CPT1A: variants seen among roughly 807,000 people sequenced by gnomAD.
CPT1A encodes carnitine palmitoyltransferase 1A.
CPT1A carries 64 observed loss-of-function variants against 100.8 expected under a neutral mutation model. The observed-to-expected ratio is 0.63, with a 90% confidence interval of 0.52 to 0.78. The LOEUF (loss-of-function observed/expected upper bound fraction) is 0.78. CPT1A is among the 30% of genes least tolerant of loss of function. CPT1A has a pLI of 0.00. For missense variants in CPT1A, 802 were observed against 1,034.1 expected, an observed-to-expected ratio of 0.78 and a Z score of 3.08; for synonymous variants, 363 against 396.0, an observed-to-expected ratio of 0.92 and a Z score of 0.99.
chr11:68,839,553 T>C, intron 1 of CPT1A: 1 of 985,388 alleles, frequency 1.0e-6, no homozygotes, highest in Non-Finnish European at 1.2e-6. Context: ...GCAACGCACC[T>C]CTCCGTGGGA....
At chr11:68,837,892 G>T (rs1188337870) in intron 1 of CPT1A, among the ~76,000 whole-genome samples, 2 of 152,114 alleles carry the variant, frequency 1.3e-5, no homozygotes, top group Non-Finnish European at 2.9e-5. Flanking sequence ...CTGAATGTCT[G>T]CTCTGGGCCA....
chr11:68,792,285 C>T (rs1441146398), intron 9 of CPT1A, among the ~76,000 whole-genome samples: 3 of 152,112 alleles, frequency 2.0e-5, no homozygotes, highest in Admixed American at 6.6e-5. Context: ...TGCAGTGAGC[C>T]GAGATCGCGC....
At chr11:68,815,239 G>A (rs1036303348) in intron 2 of CPT1A, 95 bp downstream of exon 2, 36 of 1,276,464 alleles carry the variant, frequency 2.8e-5, no homozygotes, top group East Asian at 1.2e-4. Flanking sequence ...ATATGCAGTC[G>A]CCAGTCTGAA....
At chr11:68,812,829 G>A (rs1002056927) in intron 2 of CPT1A, among the ~76,000 whole-genome samples, 3 of 151,750 alleles carry the variant, frequency 2.0e-5, no homozygotes, top group African/African-American at 2.4e-5. Flanking sequence ...CCCAAGAGTC[G>A]ACGCCCCGGG....
chr11:68,824,750 T>A (rs2154002098), intron 1 of CPT1A, among the ~76,000 whole-genome samples: 1 of 151,544 alleles, frequency 6.6e-6, no homozygotes, highest in East Asian at 1.9e-4. Flanking sequence ...AGGGTTCCCA[T>A]CTTTTATTGA....
chr11:68,786,003 G>T, intron 9 of CPT1A: 1 of 702,320 alleles, frequency 1.4e-6, no homozygotes, highest in Non-Finnish European at 2.6e-6. Context: ...GCTCAGTGGG[G>T]ATGCACAGTG....
Position 68,791,406 on chromosome 11 carries a change from G to C in CPT1A, c.967+1909C>G, listed in dbSNP as rs1351348674. 2.0e-5 allele frequency among the ~76,000 whole-genome samples: 3 copies of C among 152,224 alleles called. No individual in the cohort carries two copies. In the East Asian group the frequency reaches 5.8e-4, roughly 29 times the overall value. The stretch of plus-strand genomic sequence containing the variant: ...TCCACCTCGTTGCCCAACTGCCCCA[G>C]GACTGCTGTTGGCCAACACATCTGT... On this transcript the variant is annotated intron_variant, in intron 9 of 18. Coordinates refer to ENST00000265641, the MANE Select transcript of CPT1A (RefSeq NM_001876.4).
intron 4 of CPT1A, among the ~76,000 whole-genome samples, chr11:68,806,851 C>T (rs1856060313): frequency 6.6e-6 from 1 of 151,938 alleles, no homozygotes; most frequent in Admixed American, 6.6e-5. Flanking sequence ...ATTGCTTGAA[C>T]CTGGAAGGGC....
rs770659736 is a variant in CPT1A at position 68,772,085 on chromosome 11, C to T, written c.1740+1180G>A. Among the ~76,000 whole-genome samples, 8 of 152,226 alleles carry T rather than the reference C, an allele frequency of 5.3e-5. No individual in the cohort carries two copies. The South Asian group carries it at 1.0e-3, about 20-fold the overall frequency. On this transcript the variant is annotated intron_variant, in intron 14 of 18. Coordinates refer to ENST00000265641, the MANE Select transcript of CPT1A (RefSeq NM_001876.4). The stretch of plus-strand genomic sequence containing the variant: ...TTTAATACAAGGCTGGGCACGGTGG[C>T]TCACGCCTATAATCCCAGCACTTTG...
intron 2 of CPT1A, among the ~76,000 whole-genome samples, chr11:68,813,514 G>C (rs948150688): frequency 2.4e-5 from 3 of 123,888 alleles, no homozygotes; most frequent in African/African-American, 9.3e-5. Flanking sequence ...CTGGGCAACA[G>C]AGTGAGGCTC....
chr11:68,787,432 A>C (rs914118756), intron 9 of CPT1A, among the ~76,000 whole-genome samples: 2 of 111,284 alleles, frequency 1.8e-5, no homozygotes, highest in Non-Finnish European at 3.9e-5. Flanking sequence ...ACTCTGTCTC[A>C]AAAAAAAAAA....
Position 68,824,794 on chromosome 11 carries a change from CT to C in CPT1A, c.-13-9308del, listed in dbSNP as rs60451933. Reference sequence around the variant, plus strand: ...AACATATTGCTACATGCAATTGTATCTTTTTTTTTTTTTTTTTTTGAGACTG... The same window carrying C: ...AACATATTGCTACATGCAATTGTATCTTTTTTTTTTTTTTTTTTGAGACTG... On this transcript the variant is annotated intron_variant, in intron 1 of 18. Coordinates refer to ENST00000265641, the MANE Select transcript of CPT1A (RefSeq NM_001876.4). Among the ~76,000 whole-genome samples the C allele has an allele frequency of 1.3e-3, 155 of 120,310 alleles. 1 individual carries two copies. In the South Asian group the frequency reaches 0.025, roughly 20 times the overall value. 78.9% of individuals were successfully genotyped at this position (120,310 alleles called of 152,430 possible).
intron 1 of CPT1A, among the ~76,000 whole-genome samples, chr11:68,839,903 G>A (rs1277043715): frequency 6.6e-6 from 1 of 152,178 alleles, no homozygotes; most frequent in African/African-American, 2.4e-5. Context: ...CAGGGTAGGC[G>A]GCTTGTTTTT....
Position 68,799,204 on chromosome 11 carries a change from G to A in CPT1A, c.693+14C>T, listed in dbSNP as rs202064999. ...GAAAAATTTCATCAAGAAAAACTGT[G>A]TATACAGACTTACGTAATTTGTAGC... On this transcript the variant is annotated intron_variant, in intron 6 of 18. Transcript: ENST00000265641. The A allele has an allele frequency of 1.1e-5, 17 of 1,610,524 alleles. No individual in the cohort carries two copies. In the East Asian group the frequency reaches 3.6e-4, roughly 34 times the overall value.
chr11:68,764,171 C>A (rs149671634), intron 14 of CPT1A, among the ~76,000 whole-genome samples: 1 of 152,146 alleles, frequency 6.6e-6, no homozygotes, highest in South Asian at 2.1e-4. Flanking sequence ...CAAGGCAGCA[C>A]GCGGCTGTGG....
chr11:68,788,240 G>A (rs1231087017), intron 9 of CPT1A, among the ~76,000 whole-genome samples: 2 of 152,112 alleles, frequency 1.3e-5, no homozygotes, highest in Non-Finnish European at 2.9e-5. Flanking sequence ...GAAACAGCTC[G>A]AACAAATGAT....
intron 4 of CPT1A, among the ~76,000 whole-genome samples, chr11:68,806,274 T>G (rs1200496043): frequency 1.3e-5 from 2 of 152,120 alleles, no homozygotes; most frequent in Non-Finnish European, 2.9e-5. Context: ...GGTGGTTCAC[T>G]GGGCTTGGCC....
Position 68,784,970 on chromosome 11 carries a change from C to T in CPT1A, c.1008G>A (p.Val336=). The T allele has an allele frequency of 6.2e-7, 1 of 1,614,032 alleles. No homozygotes were observed. Among genetic ancestry groups the T allele is most frequent in the Non-Finnish European group, 8.5e-7 (1 of 1,180,036 alleles). ...QHMRDSKHIV[V]YHRGRYFKVW... Reference sequence around the variant, plus strand: ...CCTTGAAGTAGCGTCCTCGATGGTACACGACGATGTGCTTGCTGTCTCTCA... The same window carrying T: ...CCTTGAAGTAGCGTCCTCGATGGTATACGACGATGTGCTTGCTGTCTCTCA... Residue 336 remains valine (V), a synonymous_variant, in exon 10 of 19, where the codon GTG becomes GTA. Coordinates refer to ENST00000265641, the MANE Select transcript of CPT1A (RefSeq NM_001876.4).
At chr11:68,789,270 TTGAA>T (rs1566360308) in intron 9 of CPT1A, among the ~76,000 whole-genome samples, 4 of 152,174 alleles carry the variant, frequency 2.6e-5, no homozygotes, top group East Asian at 1.9e-4. Flanking sequence ...TTTGGGGAAT[TTGAA>T]TGGTCTAATT....
Sources: allele counts gnomAD v4.1 joint callset (sites outside exome capture counted in the v4.1 genomes callset), GRCh38; gene constraint gnomAD v4.1.1; transcripts MANE v1.5; gene names NCBI Gene and HGNC (gene_info 2026-07-23, HGNC 2026-07-21).